The following NOL4L variants were observed in gnomAD, a reference collection of about 807,000 sequenced individuals.
NOL4L encodes nucleolar protein 4 like.
In NOL4L, 7 loss-of-function variants were observed where a neutral mutation model predicts 64.5. The observed-to-expected ratio is 0.11, with a 90% CI of 0.06 to 0.20. NOL4L has a LOEUF of 0.20. Among genes scored for constraint, NOL4L ranks in the 10% least tolerant of loss-of-function variants. The pLI is 1.00. For synonymous variants in NOL4L, 413 were observed against 401.0 expected, an observed-to-expected ratio of 1.03 and a Z score of -0.36; for missense variants, 680 against 967.1, an observed-to-expected ratio of 0.70 and a Z score of 3.94.
At chr20:32,468,602 A>G (rs1290108803) in intron 5 of NOL4L, among the ~76,000 whole-genome samples, 1 of 152,158 alleles carries the variant, frequency 6.6e-6, no homozygotes, top group African/African-American at 2.4e-5. Context: ...ACTTCCAGCA[A>G]TGAAAAACAG....
At chr20:32,528,309 T>C (rs1185303944) in intron 1 of NOL4L, among the ~76,000 whole-genome samples, 4 of 152,104 alleles carry the variant, frequency 2.6e-5, no homozygotes, top group Non-Finnish European at 5.9e-5. Flanking sequence ...GCTCGCCAAT[T>C]AGCAGTAACC....
chr20:32,579,356 G>A (rs1263254176), intron 1 of NOL4L, among the ~76,000 whole-genome samples: 2 of 152,194 alleles, frequency 1.3e-5, no homozygotes, highest in Admixed American at 6.5e-5. Flanking sequence ...ACGCACATGC[G>A]TGTTCTAGCC....
intron 1 of NOL4L, chr20:32,535,579 C>G (rs1388183460): frequency 1.0e-6 from 1 of 985,518 alleles, no homozygotes; most frequent in African/African-American, 1.7e-5. Flanking sequence ...GAACCTCCAT[C>G]TTCTTTCAAA....
intron 4 of NOL4L, among the ~76,000 whole-genome samples, chr20:32,502,062 T>G (rs2016943649): frequency 6.6e-6 from 1 of 152,096 alleles, no homozygotes; most frequent in South Asian, 2.1e-4. Flanking sequence ...ATAAGTGTAT[T>G]TATGAGAGGG....
In NOL4L at chr20:32,458,161, C is replaced by A. The variant is rs573074729; in HGVS notation, c.842-1766G>T. 4.6e-5 allele frequency among the ~76,000 whole-genome samples: 7 copies of A among 152,356 alleles called. No individual in the cohort carries two copies. In the East Asian group the frequency reaches 1.3e-3, roughly 29 times the overall value. On this transcript the variant is annotated intron_variant, in intron 5 of 10. Transcript: ENST00000621426. ...AGAGCCAGGCCTAATCCTCACTCCC[C>A]TGTCCCATGCTTTCCTGTAGCTGAG...
chr20:32,489,503 T>C (rs2016367672), intron 4 of NOL4L, among the ~76,000 whole-genome samples: 2 of 152,042 alleles, frequency 1.3e-5, no homozygotes, highest in African/African-American at 4.8e-5. Context: ...TACAGGCATG[T>C]GCCACTGCAC....
chr20:32,556,660 G>A (rs17357696), intron 1 of NOL4L, among the ~76,000 whole-genome samples: 5,070 of 152,282 alleles, frequency 0.033, 121 homozygotes, highest in Non-Finnish European at 0.051. Flanking sequence ...GCATATCAGC[G>A]AAGGCATCTG....
intron 1 of NOL4L, among the ~76,000 whole-genome samples, chr20:32,548,280 T>C (rs2018757216): frequency 6.6e-6 from 1 of 152,200 alleles, no homozygotes; most frequent in African/African-American, 2.4e-5. Flanking sequence ...ATACAACAGA[T>C]GCTCATTCAA....
At position 32,585,252 on chromosome 20, in the gene NOL4L, G is replaced by A. The variant is rs1380562320; in HGVS notation, c.-362C>T. Among the ~76,000 whole-genome samples the A allele has an allele frequency of 6.9e-6, 1 of 145,042 alleles. No individual in the cohort carries two copies. The highest frequency in any genetic ancestry group is 2.1e-4 in the South Asian group (1 of 4,678). Reference sequence around the variant, plus strand: ...CCGGGGGAGGCGGGAGGCGGGGAGCGGCCCCGAGCGCTGGGAGCGAGACCG... The same window carrying A: ...CCGGGGGAGGCGGGAGGCGGGGAGCAGCCCCGAGCGCTGGGAGCGAGACCG... On this transcript the variant is annotated 5_prime_UTR_variant, in exon 1 of 11. Coordinates refer to ENST00000621426, the MANE Select transcript of NOL4L (RefSeq NM_001256798.2).
chr20:32,447,952 C>T (rs1378031037), intron 10 of NOL4L, 136 bp from the exon 11 acceptor site: 1 of 1,186,074 alleles, frequency 8.4e-7, no homozygotes, highest in Non-Finnish European at 1.2e-6. Context: ...TGGCTCTGGT[C>T]CATCTCCCTG....
At chr20:32,574,507 C>G (rs996097601) in intron 1 of NOL4L, among the ~76,000 whole-genome samples, 1 of 152,176 alleles carries the variant, frequency 6.6e-6, no homozygotes, top group African/African-American at 2.4e-5. Context: ...CAGGGGCTCT[C>G]GGAAACACCC....
intron 3 of NOL4L, among the ~76,000 whole-genome samples, chr20:32,514,167 T>C (rs374671035): frequency 6.6e-6 from 1 of 152,142 alleles, no homozygotes; most frequent in Non-Finnish European, 1.5e-5. Context: ...CTGTCACATA[T>C]AGAATGTTTC....
In NOL4L at chr20:32,452,168, C is replaced by T. The variant is rs2012980953; in HGVS notation, c.1822+68G>A. On this transcript the variant is annotated intron_variant, in intron 10 of 10. Transcript: ENST00000621426. The stretch of plus-strand genomic sequence containing the variant: ...GCTTCCCTCTCCCCATTCCGCTGCC[C>T]AGGGCTGCTCTGCAGACCCAGCTGG... The T allele has an allele frequency of 3.6e-6, 5 of 1,408,314 alleles. No homozygotes were observed. In the South Asian group the frequency reaches 4.7e-5, roughly 13 times the overall value. 87.2% of individuals were successfully genotyped at this position (1,408,314 alleles called of 1,614,324 possible). A position where few individuals can be genotyped will look rare whatever the true frequency, so the allele number is the denominator to read the frequency against.
chr20:32,521,977 G>A (rs1028656343), intron 2 of NOL4L, among the ~76,000 whole-genome samples: 2 of 152,270 alleles, frequency 1.3e-5, no homozygotes, highest in African/African-American at 4.8e-5. Context: ...GCTGCTCTGC[G>A]CTGCGCTTGG....
chr20:32,553,845 G>A (rs1243013305), intron 1 of NOL4L, among the ~76,000 whole-genome samples: 2 of 152,180 alleles, frequency 1.3e-5, no homozygotes, highest in Non-Finnish European at 2.9e-5. Flanking sequence ...AAAAACTAGT[G>A]AAATAAAAAG....
chr20:32,513,777 A>G (rs1173540089), intron 3 of NOL4L, among the ~76,000 whole-genome samples: 1 of 152,084 alleles, frequency 6.6e-6, no homozygotes, highest in African/African-American at 2.4e-5. Flanking sequence ...AGGTGGGAGG[A>G]TCACCTGAGC....
chr20:32,541,845 T>C (rs543195503), intron 1 of NOL4L, among the ~76,000 whole-genome samples: 4 of 152,380 alleles, frequency 2.6e-5, no homozygotes, highest in South Asian at 2.1e-4. Context: ...GATGGAGTGA[T>C]TGTAATTGGC....
chr20:32,566,873 G>A (rs1051729017), intron 1 of NOL4L, among the ~76,000 whole-genome samples: 4 of 152,210 alleles, frequency 2.6e-5, no homozygotes, highest in African/African-American at 9.7e-5. Flanking sequence ...GCCCTAGAAC[G>A]TCAGCTCTAT....
chr20:32,559,689 G>C (rs1051982030), intron 1 of NOL4L, among the ~76,000 whole-genome samples: 10 of 152,234 alleles, frequency 6.6e-5, no homozygotes, highest in Non-Finnish European at 1.5e-4. Context: ...GCATGGCCTA[G>C]TTCTGAGGGC....
Sources: gnomAD v4.1 joint callset for allele counts (sites outside exome capture counted in the v4.1 genomes callset) on GRCh38, gnomAD v4.1.1 for gene constraint, MANE v1.5 for transcripts, NCBI Gene and HGNC (gene_info 2026-07-23, HGNC 2026-07-21) for gene names.